Variants in CSMD1 observed in about 807,000 individuals in gnomAD.
The protein encoded by CSMD1 is CUB and Sushi multiple domains 1.
In CSMD1, 213 loss-of-function variants were observed where a neutral mutation model predicts 417.5. That is an observed-to-expected ratio of 0.51 (90% CI 0.46 to 0.57). CSMD1 has a LOEUF of 0.57. CSMD1 is among the 20% of genes least tolerant of loss of function. The pLI, the probability that CSMD1 is intolerant of heterozygous loss-of-function variation, is 0.00. For missense variants in CSMD1, 6,923 were observed against 4,529.7 expected (o/e 1.53, Z -15.17); for synonymous variants, 2,862 against 1,736.8 (o/e 1.65, Z -16.11).
chr8:4,444,475 G>A (rs1034390717), intron 2 of CSMD1, among the ~76,000 whole-genome samples: 2 of 150,100 alleles, frequency 1.3e-5, no homozygotes, highest in South Asian at 2.1e-4. Flanking sequence ...GAAGACATAA[G>A]CAGTCGCATT....
intron 3 of CSMD1, among the ~76,000 whole-genome samples, chr8:4,087,133 G>A (rs1041123978): frequency 2.6e-5 from 4 of 152,170 alleles, no homozygotes; most frequent in Admixed American, 2.6e-4. Flanking sequence ...GGTGATGGGA[G>A]GTTGCGGAAA....
chr8:4,407,498 C>A (rs1419415925), intron 3 of CSMD1, among the ~76,000 whole-genome samples: 2 of 152,042 alleles, frequency 1.3e-5, no homozygotes, highest in African/African-American at 4.8e-5. Context: ...TTTCATTGTA[C>A]TCTGTTGTAT....
Position 4,127,453 on chromosome 8 carries a change from GA to G in CSMD1, c.416-95355del, listed in dbSNP as rs199764792. On this transcript the variant is annotated intron_variant, in intron 3 of 69. Transcript: ENST00000635120. The stretch of plus-strand genomic sequence containing the variant: ...AGGACACAGTTTTCCAAGCATTAAT[GA>G]AAAAAAAAAAAAAAAAAAAAAAAAA... Among the ~76,000 whole-genome samples, 448 of 102,658 alleles carry G rather than the reference GA, an allele frequency of 4.4e-3. 2 individuals carry two copies. Among genetic ancestry groups the G allele is most frequent in the African/African-American group, 0.016 (426 of 26,442 alleles). 67.3% of individuals were successfully genotyped at this position (102,658 alleles called of 152,430 possible).
Position 3,679,627 on chromosome 8 carries a change from A to C in CSMD1, c.1009+28787T>G, listed in dbSNP as rs180956682. On this transcript the variant is annotated intron_variant, in intron 7 of 69. Coordinates refer to ENST00000635120, the MANE Select transcript of CSMD1 (RefSeq NM_033225.6). ...CACTGTCAACATCAGACAGATCAAC[A>C]AGACAGCAAGTTAACAAGGATATCC... Among the ~76,000 whole-genome samples, 537 of 152,182 alleles carry C rather than the reference A, an allele frequency of 3.5e-3. 6 individuals are homozygous for C. Among genetic ancestry groups the C allele is most frequent in the Admixed American group, 8.6e-3 (131 of 15,280 alleles).
chr8:3,882,786 A>C (rs904304506), intron 5 of CSMD1, among the ~76,000 whole-genome samples: 1 of 152,232 alleles, frequency 6.6e-6, no homozygotes, highest in East Asian at 1.9e-4. Flanking sequence ...AAACAATGCA[A>C]AATCTACAGT....
chr8:3,974,926 G>C lies in CSMD1; in HGVS notation c.818+22977C>G, dbSNP rs1260061759. Among the ~76,000 whole-genome samples the C allele has an allele frequency of 5.3e-5, 8 of 151,964 alleles. 1 individual carries two copies. Among genetic ancestry groups the C allele is most frequent in the Non-Finnish European group, 1.5e-5 (1 of 67,968 alleles). On this transcript the variant is annotated intron_variant, in intron 5 of 69. Coordinates refer to ENST00000635120, the MANE Select transcript of CSMD1 (RefSeq NM_033225.6). ...TTATCTACTACAATAAAATTATCTT[G>C]ATTACTTCGAACAAATCAAAACTAA...
chr8:4,077,896 A>G (rs1288258901), intron 3 of CSMD1, among the ~76,000 whole-genome samples: 6 of 152,104 alleles, frequency 3.9e-5, no homozygotes. Context: ...CCAATATAGC[A>G]ATGTCCTTCC....
intron 3 of CSMD1, among the ~76,000 whole-genome samples, chr8:4,261,077 G>C (rs192119334): frequency 1.2e-3 from 183 of 152,148 alleles, no homozygotes; most frequent in Non-Finnish European, 2.3e-3. Flanking sequence ...ACCTTGTTTT[G>C]TGCTATATAT....
At chr8:3,467,226 C>T (rs1028764219) in intron 12 of CSMD1, among the ~76,000 whole-genome samples, 3 of 152,180 alleles carry the variant, frequency 2.0e-5, no homozygotes, top group Non-Finnish European at 4.4e-5. Context: ...GCAGTTTGGG[C>T]ACGAGGTTCC....
intron 55 of CSMD1, among the ~76,000 whole-genome samples, chr8:2,977,170 A>G (rs2128936589): frequency 6.6e-6 from 1 of 152,204 alleles, no homozygotes; most frequent in East Asian, 1.9e-4. Context: ...ACGCAGGGAA[A>G]TGTGTGCCAT....
chr8:4,895,571 C>G (rs1216249952), intron 1 of CSMD1, among the ~76,000 whole-genome samples: 1 of 152,006 alleles, frequency 6.6e-6, no homozygotes, highest in South Asian at 2.1e-4. Context: ...TTTGCTGATT[C>G]AAAGGTATTG....
chr8:4,038,430 G>A (rs765392106), intron 3 of CSMD1, among the ~76,000 whole-genome samples: 1 of 152,110 alleles, frequency 6.6e-6, no homozygotes, highest in Non-Finnish European at 1.5e-5. Flanking sequence ...GACACACACA[G>A]ACACAAATAT....
At chr8:3,099,879 A>G (rs1187330744) in intron 46 of CSMD1, among the ~76,000 whole-genome samples, 1 of 152,208 alleles carries the variant, frequency 6.6e-6, no homozygotes, top group Non-Finnish European at 1.5e-5. Flanking sequence ...CTCTCCAACC[A>G]AAGAGGTAGC....
chr8:4,723,820 A>C (rs979815658), intron 1 of CSMD1, among the ~76,000 whole-genome samples: 6 of 151,610 alleles, frequency 4.0e-5, no homozygotes, highest in African/African-American at 1.5e-4. Context: ...AACAAAACAA[A>C]ACAGTGCCTG....
intron 1 of CSMD1, among the ~76,000 whole-genome samples, chr8:4,910,107 A>G (rs1212956052): frequency 2.0e-5 from 3 of 152,184 alleles, no homozygotes; most frequent in East Asian, 3.8e-4. Flanking sequence ...AATCTTAATT[A>G]TTGTCTAAAT....
chr8:4,292,975 G>A (rs909912090), intron 3 of CSMD1, among the ~76,000 whole-genome samples: 1 of 152,188 alleles, frequency 6.6e-6, no homozygotes, highest in South Asian at 2.1e-4. Context: ...GGCAAAAGAC[G>A]TGAACAGTCT....
rs73497421 is a variant in CSMD1, at chr8:3,445,859, G to C, written c.1561+22853C>G. 4.0e-3 allele frequency among the ~76,000 whole-genome samples: 614 copies of C among 152,258 alleles called. 4 individuals carry two copies. Among genetic ancestry groups the C allele is most frequent in the African/African-American group, 0.014 (588 of 41,518 alleles). ...CCTTGAAAGAAAGAGTATAATTCAA[G>C]ATGGTATGTTATAGAAATAGCAAAA... is the stretch of plus-strand genomic sequence containing the variant. On this transcript the variant is annotated intron_variant, in intron 12 of 69. Transcript: ENST00000635120.
chr8:3,193,923 G>T (rs983780), intron 33 of CSMD1, among the ~76,000 whole-genome samples: 32,349 of 152,042 alleles, frequency 0.21, 3,495 homozygotes, highest in Admixed American at 0.27. Flanking sequence ...TGTTACAGTT[G>T]ATGTGAAAAC....
At chr8:4,559,965 T>C (rs757776351) in intron 2 of CSMD1, among the ~76,000 whole-genome samples, 8 of 152,198 alleles carry the variant, frequency 5.3e-5, no homozygotes, top group South Asian at 2.1e-4. Context: ...TCACACGCTG[T>C]GGTCATAAAT....
Sources: gnomAD v4.1 joint callset for allele counts (sites outside exome capture counted in the v4.1 genomes callset) on GRCh38, gnomAD v4.1.1 for gene constraint, MANE v1.5 for transcripts, NCBI Gene and HGNC (gene_info 2026-07-23, HGNC 2026-07-21) for gene names.